GALNTL6: variants seen among roughly 807,000 people sequenced by gnomAD.
GALNTL6 encodes polypeptide N-acetylgalactosaminyltransferase like 6.
GALNTL6 carries 46 observed loss-of-function variants against 73.7 expected under a neutral mutation model. That is an observed-to-expected ratio of 0.62 (90% CI 0.49 to 0.80). The LOEUF is 0.80. Ranked by LOEUF, GALNTL6 falls within the 30% of genes least tolerant of loss-of-function variation. GALNTL6 has a pLI of 0.00. For synonymous variants in GALNTL6, 259 were observed against 263.7 expected (o/e 0.98, Z 0.17); for missense variants, 604 against 755.0 (o/e 0.80, Z 2.34).
At chr4:172,887,571 TA>T (rs1387401390) in intron 8 of GALNTL6, among the ~76,000 whole-genome samples, 30 of 149,452 alleles carry the variant, frequency 2.0e-4, no homozygotes, top group African/African-American at 7.4e-4. Flanking sequence ...TTTATTTATT[TA>T]TTTATTTTTG....
chr4:172,101,570 A>G (rs573636646), intron 2 of GALNTL6, among the ~76,000 whole-genome samples: 2 of 152,330 alleles, frequency 1.3e-5, no homozygotes, highest in African/African-American at 4.8e-5. Flanking sequence ...CATGCCATTC[A>G]AACTTAATAA....
chr4:172,410,835 A>T (rs956287422), intron 5 of GALNTL6, among the ~76,000 whole-genome samples: 2 of 151,980 alleles, frequency 1.3e-5, no homozygotes, highest in Admixed American at 1.3e-4. Flanking sequence ...TGATGTTGTG[A>T]CACAATGATT....
intron 2 of GALNTL6, among the ~76,000 whole-genome samples, chr4:171,866,649 T>A (rs1306889515): frequency 6.6e-6 from 1 of 152,200 alleles, no homozygotes; most frequent in Non-Finnish European, 1.5e-5. Flanking sequence ...GAAATTTATT[T>A]CTCACAGTTT....
chr4:173,002,591 G>A (rs899503406), intron 10 of GALNTL6, among the ~76,000 whole-genome samples: 9 of 151,722 alleles, frequency 5.9e-5, no homozygotes, highest in East Asian at 3.9e-4. Context: ...TCAGGAGATC[G>A]AGACCATCCT....
chr4:172,317,374 T>C (rs1313226043), intron 4 of GALNTL6, among the ~76,000 whole-genome samples: 1 of 152,212 alleles, frequency 6.6e-6, no homozygotes, highest in Non-Finnish European at 1.5e-5. Flanking sequence ...TTCCTCACCA[T>C]GTATGAAGAT....
intron 2 of GALNTL6, among the ~76,000 whole-genome samples, chr4:172,193,552 T>C (rs1735650017): frequency 8.6e-6 from 1 of 116,798 alleles, no homozygotes; most frequent in Admixed American, 8.6e-5. Flanking sequence ...AGATTGAAGG[T>C]AGATAAGTGG....
At chr4:172,045,633 C>T (rs1318864252) in intron 2 of GALNTL6, among the ~76,000 whole-genome samples, 1 of 151,772 alleles carries the variant, frequency 6.6e-6, no homozygotes, top group East Asian at 1.9e-4. Context: ...CCTTTTTAGG[C>T]ATGTGAACTG....
chr4:171,877,501 G>A (rs1257717720), intron 2 of GALNTL6, among the ~76,000 whole-genome samples: 1 of 152,136 alleles, frequency 6.6e-6, no homozygotes, highest in Non-Finnish European at 1.5e-5. Context: ...ACTGTGGCAG[G>A]CAGTCCCTTC....
intron 5 of GALNTL6, among the ~76,000 whole-genome samples, chr4:172,660,986 T>C (rs1191092347): frequency 6.6e-6 from 1 of 152,172 alleles, no homozygotes; most frequent in African/African-American, 2.4e-5. Flanking sequence ...CCAGGGAGAT[T>C]TGAGTCATTC....
intron 2 of GALNTL6, among the ~76,000 whole-genome samples, chr4:171,883,685 TC>T (rs1426616153): frequency 6.6e-6 from 1 of 151,804 alleles, no homozygotes; most frequent in African/African-American, 2.4e-5. Flanking sequence ...TCTCGCTCTG[TC>T]GCCCAGGCTG....
At chr4:172,371,850 C>T (rs1028970331) in intron 5 of GALNTL6, among the ~76,000 whole-genome samples, 1 of 152,206 alleles carries the variant, frequency 6.6e-6, no homozygotes, top group Non-Finnish European at 1.5e-5. Flanking sequence ...AAGACTGCCA[C>T]CACCTTGGGT....
intron 2 of GALNTL6, among the ~76,000 whole-genome samples, chr4:172,172,358 C>T (rs368222902): frequency 2.6e-4 from 39 of 152,114 alleles, no homozygotes; most frequent in Middle Eastern, 3.4e-3. Context: ...CCACCATGCC[C>T]GGCTAATTTT....
intron 5 of GALNTL6, among the ~76,000 whole-genome samples, chr4:172,587,232 T>G (rs1387377498): frequency 6.6e-6 from 1 of 152,230 alleles, no homozygotes; most frequent in East Asian, 1.9e-4. Context: ...TGTGCTGATA[T>G]GTACAGAAAA....
At chr4:172,193,014 A>G (rs1735632538) in intron 2 of GALNTL6, among the ~76,000 whole-genome samples, 1 of 152,180 alleles carries the variant, frequency 6.6e-6, no homozygotes, top group African/African-American at 2.4e-5. Context: ...TAGAACTCTG[A>G]TCTCCCTGGA....
chr4:172,517,773 G>A (rs1479913178), intron 5 of GALNTL6, among the ~76,000 whole-genome samples: 1 of 151,694 alleles, frequency 6.6e-6, no homozygotes, highest in Non-Finnish European at 1.5e-5. Flanking sequence ...AATTTCTGAG[G>A]GACCAAATAG....
chr4:172,019,116 C>T (rs1741313171), intron 2 of GALNTL6, among the ~76,000 whole-genome samples: 1 of 152,158 alleles, frequency 6.6e-6, no homozygotes, highest in African/African-American at 2.4e-5. Context: ...CAGCATGCCG[C>T]TTCTTTCAGA....
chr4:171,917,668 G>C (rs1230650237), intron 2 of GALNTL6, among the ~76,000 whole-genome samples: 1 of 152,038 alleles, frequency 6.6e-6, no homozygotes, highest in Non-Finnish European at 1.5e-5. Flanking sequence ...ACTGATGAAA[G>C]GTCTGGGAGT....
intron 5 of GALNTL6, among the ~76,000 whole-genome samples, chr4:172,613,594 A>T (rs1738611498): frequency 7.5e-6 from 1 of 133,058 alleles, no homozygotes; most frequent in African/African-American, 3.0e-5. Context: ...GAAATATTTA[A>T]AAAAGGAAAA....
intron 2 of GALNTL6, among the ~76,000 whole-genome samples, chr4:171,948,962 T>C (rs452771): frequency 0.3 from 36,424 of 123,406 alleles, 4,593 homozygotes; most frequent in Middle Eastern, 0.38. Context: ...CATATATATA[T>C]ACACACACAC....
Sources: gnomAD v4.1 joint callset for allele counts (sites outside exome capture counted in the v4.1 genomes callset) on GRCh38, gnomAD v4.1.1 for gene constraint, MANE v1.5 for transcripts, NCBI Gene and HGNC (gene_info 2026-07-23, HGNC 2026-07-21) for gene names.